MSH3: variants seen among roughly 807,000 people sequenced by gnomAD.
MSH3 encodes DNA mismatch repair protein Msh3.
Under a neutral mutation model 123.3 loss-of-function variants are expected in MSH3, and 106 were observed. The observed-to-expected ratio is 0.86, with a 90% confidence interval of 0.73 to 1.01. The LOEUF (loss-of-function observed/expected upper bound fraction) is 1.01, where lower values mean the gene tolerates loss of function less well. Among genes scored for constraint, MSH3 ranks in the 50% least tolerant of loss-of-function variants. The probability of loss-of-function intolerance (pLI) is 0.00; values close to 1 mark genes in which losing one functional copy is unlikely to be tolerated. For synonymous variants in MSH3, 515 were observed against 481.4 expected (o/e 1.07, Z -0.91); for missense variants, 1,459 against 1,347.6 (o/e 1.08, Z -1.29).
At chr5:80,787,476 A>C (rs1260627585) in intron 17 of MSH3, 89 bp from the exon 18 acceptor site, 2 of 839,298 alleles carry the variant, frequency 2.4e-6, no homozygotes, top group East Asian at 4.9e-5. Flanking sequence ...TGCTTACACT[A>C]GCTGATAAAG....
chr5:80,772,633 T>C (rs1034835757), intron 15 of MSH3, among the ~76,000 whole-genome samples: 33 of 152,224 alleles, frequency 2.2e-4, no homozygotes, highest in African/African-American at 8.0e-4. Flanking sequence ...TATGAGAGCT[T>C]TCTAAGATTA....
At position 80,654,997 on chromosome 5, in the gene MSH3, G is replaced by C; in HGVS notation, c.237+33G>C. On this transcript the variant is annotated intron_variant, in intron 1 of 23. Coordinates refer to ENST00000265081, the MANE Select transcript of MSH3 (RefSeq NM_002439.5). ...CTGTCTGGGACTGGGCAGGGCCATC[G>C]GGGCTGGGGGGGCGGGGCTTGTGGG... The C allele has an allele frequency of 7.8e-6, 10 of 1,286,790 alleles. No homozygotes were observed. The highest frequency in any genetic ancestry group is 1.0e-5 in the Non-Finnish European group (10 of 973,474). The allele number at this position is 1,286,790 out of a possible 1,614,324, so 79.7% of individuals were successfully genotyped here. A position where few individuals can be genotyped will look rare whatever the true frequency, so the allele number is the denominator to read the frequency against.
In MSH3 at chr5:80,665,274, C is replaced by T. The variant is rs1749544006; in HGVS notation, c.490C>T (p.Pro164Ser). 6.2e-7 allele frequency: 1 copy of T among 1,613,876 alleles called. No individual in the cohort carries two copies. Among genetic ancestry groups the T allele is most frequent in the African/African-American group, 1.3e-5 (1 of 75,010 alleles). Reference protein sequence around the residue: ...ESLQERFAVLPKCTDFDDISL... With the variant: ...ESLQERFAVLSKCTDFDDISL... Reference sequence around the variant, plus strand: ...TCTGCAGGAGAGATTTGCAGTTCTGCCAAAATGTACTGATTTTGATGATAT... The same window carrying T: ...TCTGCAGGAGAGATTTGCAGTTCTGTCAAAATGTACTGATTTTGATGATAT... The change falls in exon 3 of 24, where the codon CCA becomes TCA. Residue 164 changes from proline to serine, a missense_variant. Physicochemically the swap from Pro to Ser is moderately conservative, Grantham distance 74. Transcript: ENST00000265081.
At chr5:80,666,665 C>A (rs1420008081) in intron 3 of MSH3, among the ~76,000 whole-genome samples, 4 of 152,062 alleles carry the variant, frequency 2.6e-5, no homozygotes, top group Non-Finnish European at 4.4e-5. Flanking sequence ...TTGGCATGTC[C>A]ACATCACAGG....
intron 8 of MSH3, among the ~76,000 whole-genome samples, chr5:80,709,927 T>C (rs1750825132): frequency 6.6e-6 from 1 of 152,214 alleles, no homozygotes; most frequent in African/African-American, 2.4e-5. Context: ...AAAAAGGTGC[T>C]GTTGGAGGCA....
At chr5:80,672,635 A>G (rs6151644) in intron 5 of MSH3, 106 bp from the exon 6 acceptor site, 10,769 of 942,104 alleles carry the variant, frequency 0.011, 151 homozygotes, top group South Asian at 0.042. Flanking sequence ...AACGTTGTGG[A>G]CTGATTATTT....
At chr5:80,829,580 T>G (rs1745383820) in intron 20 of MSH3, among the ~76,000 whole-genome samples, 1 of 152,256 alleles carries the variant, frequency 6.6e-6, no homozygotes, top group Non-Finnish European at 1.5e-5. Context: ...ACACTTAGGA[T>G]GAGTCCTACT....
intron 3 of MSH3, among the ~76,000 whole-genome samples, chr5:80,668,847 CA>C (rs1325728938): frequency 6.6e-6 from 1 of 152,208 alleles, no homozygotes; most frequent in African/African-American, 2.4e-5. Flanking sequence ...TGGGCAGCCA[CA>C]GCTGTGCCCA....
intron 20 of MSH3, among the ~76,000 whole-genome samples, chr5:80,832,021 A>T (rs1248863742): frequency 6.6e-6 from 1 of 152,028 alleles, no homozygotes; most frequent in African/African-American, 2.4e-5. Flanking sequence ...GAGGCAGGAG[A>T]ATGGCGTGAA....
intron 15 of MSH3, 62 bp from the exon 16 acceptor site, chr5:80,775,632 G>A (rs1256959659): frequency 2.1e-6 from 2 of 960,122 alleles, no homozygotes; most frequent in Non-Finnish European, 1.6e-6. Flanking sequence ...ACAATTTGGG[G>A]AAAGCTTTAA....
At chr5:80,776,841 A>G (rs556275328) in intron 16 of MSH3, among the ~76,000 whole-genome samples, 6 of 149,184 alleles carry the variant, frequency 4.0e-5, no homozygotes, top group Non-Finnish European at 8.9e-5. Context: ...TTTTGACATA[A>G]TGTGTGAATG....
At chr5:80,813,066 T>G (rs932064452) in intron 19 of MSH3, among the ~76,000 whole-genome samples, 5 of 152,252 alleles carry the variant, frequency 3.3e-5, no homozygotes, top group African/African-American at 1.2e-4. Context: ...TTCTGCCTCG[T>G]TCACATGCTG....
At chr5:80,786,960 G>A (rs1229253933) in intron 17 of MSH3, among the ~76,000 whole-genome samples, 9 of 152,104 alleles carry the variant, frequency 5.9e-5, no homozygotes, top group African/African-American at 2.2e-4. Context: ...GTTTTTATAT[G>A]CATTATTAAT....
At position 80,729,252 on chromosome 5, in the gene MSH3, A is replaced by G. The variant is rs369365776; in HGVS notation, c.1568+287A>G. ...AACATGGTGAAACCCCGTCTCTACT[A>G]AAAATACAAAAAATTAGCCGGGCGT... On this transcript the variant is annotated intron_variant, in intron 10 of 23. Transcript: ENST00000265081. 4.6e-5 allele frequency among the ~76,000 whole-genome samples: 7 copies of G among 151,840 alleles called. No individual in the cohort carries two copies. In the East Asian group the frequency reaches 1.2e-3, roughly 25 times the overall value.
chr5:80,755,523 A>G (rs188666548), intron 12 of MSH3, among the ~76,000 whole-genome samples: 50 of 152,224 alleles, frequency 3.3e-4, no homozygotes, highest in African/African-American at 1.2e-3. Context: ...AGAAGACTTC[A>G]TTTTCTGTGG....
chr5:80,725,954 T>C (rs535245439), intron 9 of MSH3, among the ~76,000 whole-genome samples: 2 of 152,334 alleles, frequency 1.3e-5, no homozygotes, highest in South Asian at 4.1e-4. Flanking sequence ...TTGACCATCT[T>C]TCCTTTTTGC....
chr5:80,694,286 AG>A (rs1355608001), intron 8 of MSH3, among the ~76,000 whole-genome samples: 2 of 152,152 alleles, frequency 1.3e-5, no homozygotes, highest in African/African-American at 4.8e-5. Context: ...CACAAATCAA[AG>A]GAAGTAATTA....
chr5:80,868,977 A>G (rs1185802419), intron 22 of MSH3, among the ~76,000 whole-genome samples: 5 of 152,120 alleles, frequency 3.3e-5, no homozygotes, highest in African/African-American at 1.2e-4. Flanking sequence ...GGTAGAGGCC[A>G]TTGCGTAGGT....
At chr5:80,825,630 A>ATG (rs1745279759) in intron 20 of MSH3, among the ~76,000 whole-genome samples, 1 of 152,166 alleles carries the variant, frequency 6.6e-6, no homozygotes, top group African/African-American at 2.4e-5. Flanking sequence ...TGTAAGGAAC[A>ATG]TGTGTCTTTC....
Sources: allele counts gnomAD v4.1 joint callset (sites outside exome capture counted in the v4.1 genomes callset), GRCh38; gene constraint gnomAD v4.1.1; transcripts MANE v1.5; gene names NCBI Gene and HGNC (gene_info 2026-07-23, HGNC 2026-07-21).